Variants in PPP2R2C observed in about 807,000 individuals in gnomAD.
PPP2R2C encodes protein phosphatase 2, regulatory subunit B, gamma.
A neutral mutation model predicts 45.3 loss-of-function variants in PPP2R2C; 10 were observed. That is an observed-to-expected ratio of 0.22 (90% CI 0.14 to 0.37). The LOEUF is 0.37. PPP2R2C is among the 10% of genes least tolerant of loss of function. The probability of loss-of-function intolerance (pLI) is 1.00; values close to 1 mark genes in which losing one functional copy is unlikely to be tolerated. For missense variants in PPP2R2C, 308 were observed against 619.7 expected, an observed-to-expected ratio of 0.50 and a Z score of 5.34; for synonymous variants, 257 against 245.4, an observed-to-expected ratio of 1.05 and a Z score of -0.44.
chr4:6,537,217 G>C (rs1002654102), intron 1 of PPP2R2C, among the ~76,000 whole-genome samples: 1 of 151,832 alleles, frequency 6.6e-6, no homozygotes, highest in Non-Finnish European at 1.5e-5. Context: ...AAAAAAGGAA[G>C]AATGACATCA....
chr4:6,409,273 C>T (rs371681104), intron 1 of PPP2R2C, among the ~76,000 whole-genome samples: 1 of 152,108 alleles, frequency 6.6e-6, no homozygotes, highest in Admixed American at 6.5e-5. Context: ...TAAAAATATA[C>T]CATAAAGCAA....
chr4:6,427,834 A>AGATGGCT (rs1719410343), intron 1 of PPP2R2C, among the ~76,000 whole-genome samples: 1 of 151,948 alleles, frequency 6.6e-6, no homozygotes, highest in African/African-American at 2.4e-5. Context: ...GTGTAGAGGT[A>AGATGGCT]GATGGCTGCG....
chr4:6,487,718 G>A (rs1722572457), intron 2 of PPP2R2C, among the ~76,000 whole-genome samples: 1 of 151,922 alleles, frequency 6.6e-6, no homozygotes, highest in African/African-American at 2.4e-5. Flanking sequence ...TGTGCTTGTG[G>A]GGCAATGAAA....
At chr4:6,505,099 C>G (rs1278572452) in intron 2 of PPP2R2C, among the ~76,000 whole-genome samples, 4 of 152,066 alleles carry the variant, frequency 2.6e-5, no homozygotes, top group Admixed American at 6.5e-5. Flanking sequence ...TGATCCACTA[C>G]TGACTTCTCA....
At chr4:6,512,122 G>A (rs1453600008) in intron 2 of PPP2R2C, among the ~76,000 whole-genome samples, 11 of 38,614 alleles carry the variant, frequency 2.8e-4, no homozygotes, top group African/African-American at 8.7e-4. Flanking sequence ...GATGGTGGGG[G>A]TGGTGGTGGT....
chr4:6,487,244 A>C (rs1275988722), intron 2 of PPP2R2C, among the ~76,000 whole-genome samples: 1 of 151,974 alleles, frequency 6.6e-6, no homozygotes, highest in South Asian at 2.1e-4. Flanking sequence ...ATTATACTTT[A>C]AAGAGATTAA....
At chr4:6,505,268 C>T (rs1351047090) in intron 2 of PPP2R2C, among the ~76,000 whole-genome samples, 2 of 152,120 alleles carry the variant, frequency 1.3e-5, no homozygotes, top group Non-Finnish European at 2.9e-5. Context: ...TAAAGGGATT[C>T]ATTGCCAGCA....
At chr4:6,549,518 T>C (rs1725109958) in intron 1 of PPP2R2C, among the ~76,000 whole-genome samples, 1 of 152,164 alleles carries the variant, frequency 6.6e-6, no homozygotes, top group Admixed American at 6.5e-5. Flanking sequence ...GAAATGCCCC[T>C]CACCTGTGCC....
chr4:6,340,005 C>T (rs1000201100), intron 6 of PPP2R2C, among the ~76,000 whole-genome samples: 5 of 152,042 alleles, frequency 3.3e-5, no homozygotes, highest in African/African-American at 1.2e-4. Context: ...TGGGGAGGGG[C>T]CTCCTGTTCG....
In PPP2R2C at chr4:6,365,537, C is replaced by A. The variant is rs143298227; in HGVS notation, c.625+6986G>T. 3.2e-3 allele frequency among the ~76,000 whole-genome samples: 480 copies of A among 152,354 alleles called. 4 individuals carry two copies. Among genetic ancestry groups the A allele is most frequent in the African/African-American group, 0.011 (454 of 41,582 alleles). ...AAGGGGGTGCAGAAAGACTGAGTGA[C>A]TGATCAGGGTCAGTGGCAGAGGCAG... On this transcript the variant is annotated intron_variant, in intron 5 of 8. Coordinates refer to ENST00000382599, the MANE Select transcript of PPP2R2C (RefSeq NM_020416.4).
intron 1 of PPP2R2C, among the ~76,000 whole-genome samples, chr4:6,560,610 C>T (rs1198971971): frequency 6.6e-6 from 1 of 152,206 alleles, no homozygotes; most frequent in African/African-American, 2.4e-5. Context: ...TACAAAGCAC[C>T]TCTCAGTGTT....
intron 6 of PPP2R2C, among the ~76,000 whole-genome samples, chr4:6,341,213 C>A (rs1022806546): frequency 6.6e-6 from 1 of 152,142 alleles, no homozygotes; most frequent in Non-Finnish European, 1.5e-5. Context: ...GTGGCCGGCA[C>A]CTGCAATCCC....
intron 1 of PPP2R2C, among the ~76,000 whole-genome samples, chr4:6,548,526 CAGTT>C (rs1442193688): frequency 6.6e-6 from 1 of 152,202 alleles, no homozygotes; most frequent in Admixed American, 6.5e-5. Flanking sequence ...GATGCTGAGT[CAGTT>C]AGGAGTGAAG....
At chr4:6,334,533 G>T (rs1422669699) in intron 6 of PPP2R2C, among the ~76,000 whole-genome samples, 1 of 152,104 alleles carries the variant, frequency 6.6e-6, no homozygotes, top group Non-Finnish European at 1.5e-5. Flanking sequence ...GTGGGACAAG[G>T]TCTCTAAGCT....
At chr4:6,553,276 C>T (rs544919920) in intron 1 of PPP2R2C, among the ~76,000 whole-genome samples, 5 of 152,358 alleles carry the variant, frequency 3.3e-5, no homozygotes, top group African/African-American at 4.8e-5. Flanking sequence ...CCAAACTCCA[C>T]GGGAGCCTTA....
chr4:6,359,119 G>C (rs1039087366), intron 5 of PPP2R2C, among the ~76,000 whole-genome samples: 1 of 152,214 alleles, frequency 6.6e-6, no homozygotes, highest in African/African-American at 2.4e-5. Context: ...TGATAGACTG[G>C]ATTAAGAAAA....
chr4:6,541,808 G>T (rs1454194000), intron 1 of PPP2R2C, among the ~76,000 whole-genome samples: 1 of 152,196 alleles, frequency 6.6e-6, no homozygotes, highest in Non-Finnish European at 1.5e-5. Context: ...GGGATTACAG[G>T]TGTGAGCCAC....
chr4:6,475,824 C>G (rs183708441), upstream of PPP2R2C, among the ~76,000 whole-genome samples: 19 of 152,370 alleles, frequency 1.2e-4, no homozygotes, highest in Admixed American at 9.1e-4. Flanking sequence ...CATGTCCCCT[C>G]AAGTGCACAG....
intron 1 of PPP2R2C, chr4:6,413,915 T>C: frequency 6.5e-7 from 1 of 1,536,154 alleles, no homozygotes; most frequent in Non-Finnish European, 8.7e-7. Context: ...GTGTCTCTCT[T>C]TCCCATCAGC....
Sources: allele counts gnomAD v4.1 joint callset (sites outside exome capture counted in the v4.1 genomes callset), GRCh38; gene constraint gnomAD v4.1.1; transcripts MANE v1.5; gene names NCBI Gene and HGNC (gene_info 2026-07-23, HGNC 2026-07-21).